The following ZNF385D variants were observed in gnomAD, a reference collection of about 807,000 sequenced individuals.
ZNF385D encodes the protein zinc finger protein 659.
A neutral mutation model predicts 35.8 loss-of-function variants in ZNF385D; 15 were observed. That is an observed-to-expected ratio of 0.42 (90% CI 0.28 to 0.64). ZNF385D has a LOEUF of 0.64. Among genes scored for constraint, ZNF385D ranks in the 30% least tolerant of loss-of-function variants. The pLI is 0.23. For missense variants in ZNF385D, 474 were observed against 494.6 expected (o/e 0.96, Z 0.39); for synonymous variants, 212 against 186.8 (o/e 1.13, Z -1.10).
intron 3 of ZNF385D, among the ~76,000 whole-genome samples, chr3:21,835,756 C>A (rs1288471723): frequency 1.3e-5 from 2 of 152,038 alleles, no homozygotes; most frequent in African/African-American, 4.8e-5. Flanking sequence ...CATTTCATAA[C>A]TAATGGTGTG....
At position 21,678,605 on chromosome 3, in the gene ZNF385D, T is replaced by C. The variant is rs375611113; in HGVS notation, c.23-13577A>G. ...GTTAGTCCCTTCAAATTCATGGGCC[T>C]GTTTGACTTAAATTGTAAAGATTAT... On this transcript the variant is annotated intron_variant, in intron 1 of 7. Coordinates refer to ENST00000281523, the MANE Select transcript of ZNF385D (RefSeq NM_024697.3). Among the ~76,000 whole-genome samples, 29 of 152,256 alleles carry C rather than the reference T, an allele frequency of 1.9e-4. No homozygotes were observed. The South Asian group carries it at 6.0e-3, about 32-fold the overall frequency.
chr3:22,146,277 C>G (rs1282981752), intron 3 of ZNF385D, among the ~76,000 whole-genome samples: 3 of 152,074 alleles, frequency 2.0e-5, no homozygotes, highest in Admixed American at 2.0e-4. Context: ...CGTTTAATAG[C>G]TATAGTTAGA....
intron 3 of ZNF385D, among the ~76,000 whole-genome samples, chr3:21,865,526 T>G (rs1374324131): frequency 6.6e-6 from 1 of 152,178 alleles, no homozygotes; most frequent in Non-Finnish European, 1.5e-5. Flanking sequence ...CTTGCAGATC[T>G]TCCTTAACTA....
chr3:21,829,551 G>A (rs1694858295), intron 3 of ZNF385D, among the ~76,000 whole-genome samples: 1 of 151,946 alleles, frequency 6.6e-6, no homozygotes, highest in South Asian at 2.1e-4. Context: ...AGAAAGCAAA[G>A]GAGAATTTTA....
At chr3:22,215,826 C>A (rs1050634438) in intron 2 of ZNF385D, among the ~76,000 whole-genome samples, 8 of 151,934 alleles carry the variant, frequency 5.3e-5, no homozygotes, top group South Asian at 2.1e-4. Flanking sequence ...CATCACGGAA[C>A]CTGCCGACAT....
intron 2 of ZNF385D, among the ~76,000 whole-genome samples, chr3:22,354,325 G>C (rs573807104): frequency 6.6e-6 from 1 of 152,140 alleles, no homozygotes; most frequent in East Asian, 1.9e-4. Context: ...GTAAGGATTA[G>C]AGTTAATGTA....
At chr3:21,749,697 TA>T (rs1374635247) in intron 1 of ZNF385D, among the ~76,000 whole-genome samples, 4 of 152,354 alleles carry the variant, frequency 2.6e-5, no homozygotes, top group African/African-American at 9.6e-5. Context: ...TCTCTTCTAA[TA>T]TGATACAAAT....
At chr3:22,084,601 GAGACTT>G (rs1700930711) in intron 3 of ZNF385D, among the ~76,000 whole-genome samples, 1 of 152,106 alleles carries the variant, frequency 6.6e-6, no homozygotes, top group African/African-American at 2.4e-5. Flanking sequence ...AACCTACAAA[GAGACTT>G]AGACTCCCAC....
chr3:22,191,885 T>C (rs1163023082), intron 2 of ZNF385D, among the ~76,000 whole-genome samples: 4 of 147,416 alleles, frequency 2.7e-5, no homozygotes, highest in South Asian at 2.2e-4. Flanking sequence ...CTGATGCTTA[T>C]TAAATAACTC....
At chr3:21,756,338 T>G (rs1320242586) in intron 3 of ZNF385D, among the ~76,000 whole-genome samples, 3 of 152,130 alleles carry the variant, frequency 2.0e-5, no homozygotes, top group Non-Finnish European at 4.4e-5. Context: ...ATTTGAGGAC[T>G]GAGCAAATGG....
intron 3 of ZNF385D, among the ~76,000 whole-genome samples, chr3:22,070,994 A>G (rs538174675): frequency 1.3e-5 from 2 of 152,156 alleles, no homozygotes; most frequent in South Asian, 2.1e-4. Context: ...GCCAAAATTG[A>G]AAGATTTTTA....
intron 2 of ZNF385D, among the ~76,000 whole-genome samples, chr3:21,588,475 CT>C (rs1280541954): frequency 6.6e-6 from 1 of 151,864 alleles, no homozygotes; most frequent in Non-Finnish European, 1.5e-5. Context: ...GTATGAAAAA[CT>C]TAACTATGTC....
At chr3:22,183,486 T>C (rs1007688857) in intron 2 of ZNF385D, among the ~76,000 whole-genome samples, 2 of 152,088 alleles carry the variant, frequency 1.3e-5, no homozygotes, top group Non-Finnish European at 2.9e-5. Flanking sequence ...GCCTCCTGAG[T>C]AGCTGGGACT....
At chr3:21,743,411 C>G (rs1373060893) in intron 1 of ZNF385D, among the ~76,000 whole-genome samples, 2 of 152,210 alleles carry the variant, frequency 1.3e-5, no homozygotes, top group African/African-American at 4.8e-5. Context: ...CTGCCTGAGG[C>G]CAACTGTCTT....
chr3:21,772,529 A>C (rs2071120323), intron 3 of ZNF385D, among the ~76,000 whole-genome samples: 1 of 151,952 alleles, frequency 6.6e-6, no homozygotes, highest in Admixed American at 6.6e-5. Context: ...GAGATATTTC[A>C]CATGCATTAC....
chr3:21,584,716 C>G (rs1217897741), intron 2 of ZNF385D, among the ~76,000 whole-genome samples: 1 of 151,972 alleles, frequency 6.6e-6, no homozygotes, highest in Non-Finnish European at 1.5e-5. Flanking sequence ...TGATGTAAAA[C>G]AAATTTTCCT....
In ZNF385D at chr3:21,703,950, T is replaced by C. The variant is rs1477807793; in HGVS notation, c.23-38922A>G. Among the ~76,000 whole-genome samples the C allele has an allele frequency of 2.6e-5, 4 of 152,218 alleles. No homozygotes were observed. The East Asian group carries it at 7.7e-4, about 29-fold the overall frequency. ...CGAACATGCCAAACTCCCTTCAGAA[T>C]CTGTGTCTTGAGCACTGTGCTATAG... On this transcript the variant is annotated intron_variant, in intron 1 of 7. Coordinates refer to ENST00000281523, the MANE Select transcript of ZNF385D (RefSeq NM_024697.3).
At chr3:21,592,717 A>G (rs990865295) in intron 2 of ZNF385D, among the ~76,000 whole-genome samples, 2 of 152,326 alleles carry the variant, frequency 1.3e-5, no homozygotes, top group Admixed American at 6.5e-5. Flanking sequence ...CTTCTGTTTT[A>G]GGAATTTGAA....
intron 2 of ZNF385D, among the ~76,000 whole-genome samples, chr3:21,602,693 C>T (rs866447887): frequency 2.0e-5 from 3 of 148,136 alleles, no homozygotes; most frequent in South Asian, 2.1e-4. Context: ...CCACCGCGCC[C>T]GGCTAATTTT....
Sources: gnomAD v4.1 joint callset for allele counts (sites outside exome capture counted in the v4.1 genomes callset) on GRCh38, gnomAD v4.1.1 for gene constraint, MANE v1.5 for transcripts, NCBI Gene and HGNC (gene_info 2026-07-23, HGNC 2026-07-21) for gene names.